PDE8A: variants seen among roughly 807,000 people sequenced by gnomAD.
PDE8A encodes high affinity cAMP-specific and IBMX-insensitive 3',5'-cyclic phosphodiesterase 8A.
A neutral mutation model predicts 105.0 loss-of-function variants in PDE8A; 59 were observed. The observed-to-expected ratio is 0.56, with a 90% CI of 0.46 to 0.70. The LOEUF is 0.70. PDE8A is among the 30% of genes least tolerant of loss of function. The pLI, the probability that PDE8A is intolerant of heterozygous loss-of-function variation, is 0.00. For synonymous variants in PDE8A, 355 were observed against 371.9 expected (o/e 0.95, Z 0.52); for missense variants, 1,014 against 1,045.9 (o/e 0.97, Z 0.42).
chr15:85,021,106 A>C (rs2080418657), intron 1 of PDE8A, among the ~76,000 whole-genome samples: 1 of 152,152 alleles, frequency 6.6e-6, no homozygotes, highest in African/African-American at 2.4e-5. Context: ...TAGTTCCCTT[A>C]AAAAAGAAGA....
Position 85,020,329 on chromosome 15 carries a change from C to T in PDE8A, c.186+37981C>T, listed in dbSNP as rs559263596. On this transcript the variant is annotated intron_variant, in intron 1 of 21. Transcript: ENST00000394553. ...CATTAAGAAAACAACAAGGGCCCGG[C>T]GCAGTGGCTCATGCCTGTAATCCCA... Among the ~76,000 whole-genome samples, 8 of 152,292 alleles carry T rather than the reference C, an allele frequency of 5.3e-5. No individual in the cohort carries two copies. The South Asian group carries it at 1.5e-3, about 28-fold the overall frequency.
At chr15:85,113,475 T>A (rs1414577080) in intron 13 of PDE8A, 28 bp downstream of exon 13, 1 of 1,553,758 alleles carries the variant, frequency 6.4e-7, no homozygotes, top group South Asian at 1.1e-5. Flanking sequence ...CTGTCTCCAT[T>A]GAGCACACAT....
chr15:85,089,245 T>C, intron 6 of PDE8A, 93 bp from the exon 7 acceptor site: 1 of 724,266 alleles, frequency 1.4e-6, no homozygotes, highest in South Asian at 1.7e-5. Context: ...TCCTTATAAA[T>C]CGGACAAAAA....
rs111868285 is a variant in PDE8A at position 85,097,978 on chromosome 15, A to G, written c.883A>G (p.Lys295Glu). 3 of 1,600,922 alleles carry G rather than the reference A, an allele frequency of 1.9e-6. No homozygotes were observed. The highest frequency in any genetic ancestry group is 2.6e-6 in the Non-Finnish European group (3 of 1,168,124). The change falls in exon 9 of 22, where the codon AAA (lysine) becomes GAA (glutamate). Residue 295 changes from lysine (K) to glutamate (E), a missense_variant. Transcript: ENST00000394553. ...GCAAGGAATTTACTATGCCAAAAAG[A>G]AAAACGGAGATAATATACAACAAAA... Reference protein sequence around the residue: ...EWQGIYYAKKKNGDNIQQNVK... With the variant: ...EWQGIYYAKKENGDNIQQNVK...
At chr15:85,015,731 C>T (rs1370152847) in intron 1 of PDE8A, among the ~76,000 whole-genome samples, 6 of 152,142 alleles carry the variant, frequency 3.9e-5, no homozygotes, top group African/African-American at 1.4e-4. Context: ...ACTATCTGTC[C>T]ATATCACTCT....
intron 1 of PDE8A, among the ~76,000 whole-genome samples, chr15:85,013,384 T>A (rs1342205727): frequency 6.6e-6 from 1 of 152,258 alleles, no homozygotes; most frequent in South Asian, 2.1e-4. Context: ...TAATGAATTC[T>A]ATCTTTTAGA....
At chr15:85,115,008 A>T (rs1412954706) in intron 14 of PDE8A, among the ~76,000 whole-genome samples, 1 of 152,106 alleles carries the variant, frequency 6.6e-6, no homozygotes, top group African/African-American at 2.4e-5. Flanking sequence ...AGAGGAGCTA[A>T]TGTTTCCAGG....
intron 7 of PDE8A, 192 bp from the exon 8 acceptor site, chr15:85,090,852 A>G (rs2081631219): frequency 3.1e-6 from 2 of 653,014 alleles, no homozygotes; most frequent in Admixed American, 4.2e-5. Flanking sequence ...TCACCCAAGC[A>G]GAAGCTCGTC....
intron 16 of PDE8A, 79 bp downstream of exon 16, chr15:85,116,198 T>C (rs2082094946): frequency 1.4e-6 from 2 of 1,461,976 alleles, no homozygotes; most frequent in Non-Finnish European, 9.5e-7. Flanking sequence ...GGAGTATGGA[T>C]TGTGCACAAG....
At chr15:85,060,400 A>C (rs1240732569) in intron 1 of PDE8A, among the ~76,000 whole-genome samples, 1 of 152,228 alleles carries the variant, frequency 6.6e-6, no homozygotes, top group East Asian at 1.9e-4. Flanking sequence ...TTCCACGTCC[A>C]TGGATTCAGC....
At chr15:85,098,970 AAAAT>A (rs1486567641) in intron 9 of PDE8A, among the ~76,000 whole-genome samples, 3 of 152,332 alleles carry the variant, frequency 2.0e-5, no homozygotes, top group Admixed American at 6.5e-5. Flanking sequence ...AGGAAAAAAA[AAAAT>A]AAAATATGAG....
intron 1 of PDE8A, among the ~76,000 whole-genome samples, chr15:85,030,192 T>C (rs560594782): frequency 3.3e-5 from 5 of 152,250 alleles, no homozygotes; most frequent in African/African-American, 1.2e-4. Flanking sequence ...TTTCTCTTTC[T>C]TTTTGTAAAT....
At chr15:85,023,625 T>A (rs187497615) in intron 1 of PDE8A, among the ~76,000 whole-genome samples, 18 of 152,230 alleles carry the variant, frequency 1.2e-4, no homozygotes, top group Admixed American at 1.2e-3. Flanking sequence ...AGCATAGGAA[T>A]ATTAGAGAGT....
At chr15:85,109,933 A>G (rs1030443049) in intron 12 of PDE8A, among the ~76,000 whole-genome samples, 3 of 152,112 alleles carry the variant, frequency 2.0e-5, no homozygotes, top group Non-Finnish European at 4.4e-5. Flanking sequence ...GGGTTATGGG[A>G]AGACTGTAAG....
At chr15:85,114,951 A>G (rs2082072826) in intron 14 of PDE8A, among the ~76,000 whole-genome samples, 1 of 152,068 alleles carries the variant, frequency 6.6e-6, no homozygotes, top group Non-Finnish European at 1.5e-5. Flanking sequence ...AGTGGTGAGG[A>G]GCCCAGGAGA....
intron 20 of PDE8A, among the ~76,000 whole-genome samples, chr15:85,126,621 A>G (rs1230343839): frequency 6.6e-6 from 1 of 151,676 alleles, no homozygotes. Flanking sequence ...TCCTGAAAGT[A>G]CTTTTAAGGA....
chr15:85,054,247 G>C (rs573374371), intron 1 of PDE8A, among the ~76,000 whole-genome samples: 1 of 152,134 alleles, frequency 6.6e-6, no homozygotes, highest in East Asian at 1.9e-4. Context: ...TTTTTGCATC[G>C]ATGTTCATCA....
At chr15:85,011,936 C>G (rs1443262935) in intron 1 of PDE8A, among the ~76,000 whole-genome samples, 1 of 152,180 alleles carries the variant, frequency 6.6e-6, no homozygotes, top group Non-Finnish European at 1.5e-5. Context: ...AGCCAAAAAA[C>G]ACATGAAAAA....
intron 3 of PDE8A, among the ~76,000 whole-genome samples, chr15:85,074,070 G>A (rs1336158462): frequency 5.3e-5 from 8 of 152,344 alleles, no homozygotes; most frequent in Middle Eastern, 3.4e-3. Flanking sequence ...AAGCAGGGAT[G>A]TTGAGGGGGT....
Sources: allele counts gnomAD v4.1 joint callset (sites outside exome capture counted in the v4.1 genomes callset), GRCh38; gene constraint gnomAD v4.1.1; transcripts MANE v1.5; gene names NCBI Gene and HGNC (gene_info 2026-07-23, HGNC 2026-07-21).